Variants in PLCE1 observed in about 807,000 individuals in gnomAD.
PLCE1 encodes the protein phospholipase C epsilon 1.
Under a neutral mutation model 242.8 loss-of-function variants are expected in PLCE1, and 119 were observed. The ratio of observed to expected loss-of-function variants is 0.49; its 90% confidence interval spans 0.42 to 0.57. The LOEUF is 0.57. Among genes scored for constraint, PLCE1 ranks in the 20% least tolerant of loss-of-function variants. The pLI, the probability that PLCE1 is intolerant of heterozygous loss-of-function variation, is 0.00. For missense variants in PLCE1, 2,441 were observed against 2,788.8 expected (o/e 0.88, Z 2.81); for synonymous variants, 945 against 1,017.4 (o/e 0.93, Z 1.35).
At chr10:94,073,310 A>G (rs2044413497) in intron 2 of PLCE1, among the ~76,000 whole-genome samples, 1 of 152,206 alleles carries the variant, frequency 6.6e-6, no homozygotes, top group Non-Finnish European at 1.5e-5. Context: ...ATGAGCAAAC[A>G]TGTTTTGAAT....
rs1316101667 is a variant in PLCE1, at chr10:94,281,354, AATT to A, written c.4795+1452_4795+1454del. On this transcript the variant is annotated intron_variant, in intron 20 of 32. Transcript: ENST00000371380. ...ATAAGAAAGGAAAAGCCTTTTTAGA[AATT>A]ATTATTATACTGTAGATTTCACATA... 5.9e-5 allele frequency among the ~76,000 whole-genome samples: 9 copies of A among 152,314 alleles called. No homozygotes were observed. In the East Asian group the frequency reaches 1.7e-3, roughly 29 times the overall value.
At chr10:94,242,222 A>G (rs900864790) in intron 7 of PLCE1, among the ~76,000 whole-genome samples, 8 of 152,132 alleles carry the variant, frequency 5.3e-5, no homozygotes, top group Non-Finnish European at 1.0e-4. Flanking sequence ...TTCACTTTTT[A>G]TTATGAAGTA....
chr10:94,286,291 G>T (rs1415058936), intron 22 of PLCE1, among the ~76,000 whole-genome samples: 1 of 152,044 alleles, frequency 6.6e-6, no homozygotes, highest in African/African-American at 2.4e-5. Context: ...TAAGCACCTG[G>T]TCTCACACAG....
At chr10:94,159,054 C>A (rs1266877810) in intron 3 of PLCE1, among the ~76,000 whole-genome samples, 1 of 151,764 alleles carries the variant, frequency 6.6e-6, no homozygotes, top group Non-Finnish European at 1.5e-5. Flanking sequence ...GGAACTGGAG[C>A]AAAAGTTGTT....
intron 1 of PLCE1, among the ~76,000 whole-genome samples, chr10:94,020,041 A>G (rs2061350179): frequency 6.6e-6 from 1 of 152,204 alleles, no homozygotes; most frequent in Admixed American, 6.5e-5. Context: ...TTTGGATTGT[A>G]AAATGTATTT....
chr10:94,064,855 C>G (rs17109735), intron 2 of PLCE1, among the ~76,000 whole-genome samples: 33,451 of 152,008 alleles, frequency 0.22, 3,991 homozygotes, highest in East Asian at 0.43. Flanking sequence ...TCAGCTGTGT[C>G]CCACCTTTTC....
Position 94,293,504 on chromosome 10 carries a change from A to T in PLCE1, c.5036-4A>T. ...GCTTATTTATTTTCATTTTATGGGA[A>T]CAGGACTGTCAACTCTAAATGCATC... is the stretch of plus-strand genomic sequence containing the variant. On this transcript the variant is annotated splice_polypyrimidine_tract_variant and splice_region_variant and intron_variant, in intron 22 of 32. Coordinates refer to ENST00000371380, the MANE Select transcript of PLCE1 (RefSeq NM_016341.4). 6.2e-7 allele frequency: 1 copy of T among 1,613,310 alleles called. No individual in the cohort carries two copies. Among genetic ancestry groups the T allele is most frequent in the Non-Finnish European group, 8.5e-7 (1 of 1,179,484 alleles).
At chr10:94,095,807 A>G (rs974242365) in intron 2 of PLCE1, among the ~76,000 whole-genome samples, 1 of 152,086 alleles carries the variant, frequency 6.6e-6, no homozygotes, top group African/African-American at 2.4e-5. Context: ...TACAGCTATT[A>G]AGGGGTACAG....
chr10:94,206,485 G>A (rs2049160120), intron 4 of PLCE1, among the ~76,000 whole-genome samples: 1 of 152,186 alleles, frequency 6.6e-6, no homozygotes, highest in South Asian at 2.1e-4. Context: ...TTTCTGACTT[G>A]TTTCTGTCAT....
intron 2 of PLCE1, among the ~76,000 whole-genome samples, chr10:94,131,176 A>G (rs2046588651): frequency 6.6e-6 from 1 of 152,258 alleles, no homozygotes; most frequent in African/African-American, 2.4e-5. Flanking sequence ...TTCCCCCATC[A>G]GAGAGCTGGA....
At chr10:94,323,807 A>C (rs911253283) in intron 30 of PLCE1, among the ~76,000 whole-genome samples, 1 of 152,228 alleles carries the variant, frequency 6.6e-6, no homozygotes, top group East Asian at 1.9e-4. Context: ...TCTGGGACAT[A>C]ATTGGCCCTC....
chr10:94,006,745 C>T (rs1012390301), intron 1 of PLCE1, among the ~76,000 whole-genome samples: 1 of 152,174 alleles, frequency 6.6e-6, no homozygotes, highest in African/African-American at 2.4e-5. Context: ...GGCATAAAGC[C>T]GTATTTCCCA....
chr10:94,238,534 C>CT (rs1319279692), intron 7 of PLCE1, among the ~76,000 whole-genome samples: 1 of 152,184 alleles, frequency 6.6e-6, no homozygotes, highest in Non-Finnish European at 1.5e-5. Context: ...CTTTTTATGT[C>CT]TAACTCCTGA....
At chr10:94,119,614 G>A (rs1398459093) in intron 2 of PLCE1, among the ~76,000 whole-genome samples, 3 of 151,774 alleles carry the variant, frequency 2.0e-5, no homozygotes, top group Non-Finnish European at 4.4e-5. Flanking sequence ...CTGTCTTTAG[G>A]TTGTGTCTTA....
At chr10:94,303,088 T>G (rs2053092687) in intron 24 of PLCE1, among the ~76,000 whole-genome samples, 1 of 152,240 alleles carries the variant, frequency 6.6e-6, no homozygotes, top group African/African-American at 2.4e-5. Context: ...TAAGGAGCTT[T>G]CATATGTCTA....
intron 2 of PLCE1, among the ~76,000 whole-genome samples, chr10:94,070,288 G>A (rs2044314261): frequency 6.6e-6 from 1 of 152,136 alleles, no homozygotes; most frequent in South Asian, 2.1e-4. Context: ...ACATAAAGAA[G>A]GAGGCATACA....
chr10:94,152,014 A>T (rs1192757418), intron 3 of PLCE1, among the ~76,000 whole-genome samples: 1 of 152,184 alleles, frequency 6.6e-6, no homozygotes, highest in Non-Finnish European at 1.5e-5. Context: ...AAATTAACTC[A>T]AGATGGATTA....
chr10:94,045,866 C>T (rs1024460799), intron 2 of PLCE1, among the ~76,000 whole-genome samples: 2 of 151,872 alleles, frequency 1.3e-5, no homozygotes, highest in East Asian at 1.9e-4. Context: ...TTTGGGAGGC[C>T]GAGGCGGGTG....
intron 3 of PLCE1, among the ~76,000 whole-genome samples, chr10:94,149,348 A>G (rs2047207061): frequency 6.6e-6 from 1 of 152,166 alleles, no homozygotes; most frequent in South Asian, 2.1e-4. Context: ...AGTTCACAGA[A>G]AACTGACTTC....
Sources: gnomAD v4.1 joint callset for allele counts (sites outside exome capture counted in the v4.1 genomes callset) on GRCh38, gnomAD v4.1.1 for gene constraint, MANE v1.5 for transcripts, NCBI Gene and HGNC (gene_info 2026-07-23, HGNC 2026-07-21) for gene names.